CLASP2: variants seen among roughly 807,000 people sequenced by gnomAD.
CLASP2 encodes CLIP-associating protein 2.
CLASP2 carries 47 observed loss-of-function variants against 194.4 expected under a neutral mutation model. That is an observed-to-expected ratio of 0.24 (90% CI 0.19 to 0.31). The LOEUF (loss-of-function observed/expected upper bound fraction) is 0.31, where lower values mean the gene tolerates loss of function less well. CLASP2 is among the 10% of genes least tolerant of loss of function. The probability of loss-of-function intolerance (pLI) is 1.00; values close to 1 mark genes in which losing one functional copy is unlikely to be tolerated. For synonymous variants in CLASP2, 619 were observed against 633.5 expected, an observed-to-expected ratio of 0.98 and a Z score of 0.34; for missense variants, 1,445 against 1,823.6, an observed-to-expected ratio of 0.79 and a Z score of 3.78.
At chr3:33,596,254 T>C (rs2070331747) in intron 19 of CLASP2, among the ~76,000 whole-genome samples, 1 of 152,126 alleles carries the variant, frequency 6.6e-6, no homozygotes, top group Non-Finnish European at 1.5e-5. Flanking sequence ...TACAACGCAC[T>C]CTTAAAAAGT....
chr3:33,638,397 C>T (rs575732369), intron 8 of CLASP2, among the ~76,000 whole-genome samples: 6 of 152,224 alleles, frequency 3.9e-5, no homozygotes, highest in African/African-American at 9.6e-5. Flanking sequence ...CTCCACCTCC[C>T]GGGTTCATGC....
chr3:33,571,691 C>CT (rs1157905567), intron 25 of CLASP2, among the ~76,000 whole-genome samples: 2 of 151,834 alleles, frequency 1.3e-5, no homozygotes, highest in Admixed American at 1.3e-4. Flanking sequence ...TGGTGCACGC[C>CT]TGTAGTACCA....
intron 30 of CLASP2, among the ~76,000 whole-genome samples, chr3:33,548,490 G>T (rs532663791): frequency 1.3e-5 from 2 of 151,786 alleles, no homozygotes; most frequent in Non-Finnish European, 2.9e-5. Context: ...GTAGAGACAG[G>T]GTTTCACCAT....
At chr3:33,659,524 A>G in intron 7 of CLASP2, 1 of 478,412 alleles carries the variant, frequency 2.1e-6, no homozygotes, top group Non-Finnish European at 2.7e-6. Context: ...TATTTACAAC[A>G]GAAGATTGCT....
chr3:33,651,310 G>A (rs539942224), intron 7 of CLASP2, among the ~76,000 whole-genome samples: 85 of 150,182 alleles, frequency 5.7e-4, no homozygotes, highest in African/African-American at 1.9e-3. Context: ...TTGAACCCAG[G>A]AAGTGGAGGC....
chr3:33,695,068 T>C (rs1362559683), intron 2 of CLASP2, among the ~76,000 whole-genome samples: 1 of 151,534 alleles, frequency 6.6e-6, no homozygotes, highest in Admixed American at 6.6e-5. Flanking sequence ...CTATAGTTTT[T>C]TTTTTTTTTT....
chr3:33,630,530 T>C (rs1027148285), intron 9 of CLASP2, among the ~76,000 whole-genome samples: 2 of 149,328 alleles, frequency 1.3e-5, no homozygotes, highest in African/African-American at 5.0e-5. Flanking sequence ...GAGCCGAGAA[T>C]AATAAACAGC....
intron 7 of CLASP2, among the ~76,000 whole-genome samples, chr3:33,650,524 T>C (rs919376478): frequency 1.3e-5 from 2 of 151,882 alleles, no homozygotes; most frequent in East Asian, 1.9e-4. Context: ...GCTGCAGTGG[T>C]TTTCTATATA....
At chr3:33,500,246 G>C (rs1163092390) in intron 38 of CLASP2, among the ~76,000 whole-genome samples, 1 of 151,920 alleles carries the variant, frequency 6.6e-6, no homozygotes, top group Non-Finnish European at 1.5e-5. Context: ...TGTTGACCAG[G>C]CTGGTCTTGA....
chr3:33,648,320 C>A (rs1346021797), intron 7 of CLASP2, among the ~76,000 whole-genome samples: 1 of 151,834 alleles, frequency 6.6e-6, no homozygotes, highest in Non-Finnish European at 1.5e-5. Flanking sequence ...AAGGAAAACA[C>A]AAATCAAAAG....
intron 17 of CLASP2, 54 bp from the exon 18 acceptor site, chr3:33,603,179 A>T: frequency 6.8e-7 from 1 of 1,465,256 alleles, no homozygotes. Flanking sequence ...TGAAAACATG[A>T]AAATTATATA....
chr3:33,554,610 CAT>C (rs1314797111), intron 29 of CLASP2: 2 of 152,302 alleles, frequency 1.3e-5, no homozygotes, highest in African/African-American at 4.8e-5. Context: ...TAGAGGCCGA[CAT>C]AGCTATCAAG....
At position 33,606,583 on chromosome 3, in the gene CLASP2, G is replaced by A. The variant is rs551999409; in HGVS notation, c.1694+8C>T. On this transcript the variant is annotated splice_region_variant and intron_variant, in intron 16 of 38. Transcript: ENST00000682230. ...AGAGACTAGTAATCATTATTTATAT[G>A]ACCTTACTTGAGACTTTCCTGTGAG... 16 of 1,608,048 alleles carry A rather than the reference G, an allele frequency of 9.9e-6. No individual in the cohort carries two copies. The East Asian group carries it at 3.1e-4, about 31-fold the overall frequency.
In CLASP2 at chr3:33,551,130, A is replaced by C. The variant is rs1370073890; in HGVS notation, c.3153+122T>G. ...GAAACAATTTTAAAGATTTTTTAAA[A>C]AGCTCTTCATAACTCACTGCTAATT... On this transcript the variant is annotated intron_variant, in intron 30 of 38. Transcript: ENST00000682230. The C allele has an allele frequency of 1.1e-5, 8 of 757,874 alleles. No individual in the cohort carries two copies. In the East Asian group the frequency reaches 2.2e-4, roughly 21 times the overall value. The allele number at this position is 757,874 out of a possible 1,614,324, so 46.9% of individuals were successfully genotyped here. A position where few individuals can be genotyped will look rare whatever the true frequency, so the allele number is the denominator to read the frequency against.
At chr3:33,663,552 T>C (rs2085651696) in intron 6 of CLASP2, 37 bp from the exon 7 acceptor site, 1 of 1,392,454 alleles carries the variant, frequency 7.2e-7, no homozygotes, top group African/African-American at 1.4e-5. Flanking sequence ...GTTTGATTTT[T>C]TAAAACATAT....
chr3:33,717,775 C>A, intron 1 of CLASP2, 33 bp downstream of exon 1: 2 of 1,546,682 alleles, frequency 1.3e-6, no homozygotes, highest in Non-Finnish European at 1.7e-6. Flanking sequence ...CCGCGGAGGG[C>A]GTGACCAGCC....
intron 9 of CLASP2, among the ~76,000 whole-genome samples, chr3:33,631,405 A>G (rs2079054223): frequency 6.6e-6 from 1 of 152,178 alleles, no homozygotes; most frequent in Non-Finnish European, 1.5e-5. Context: ...GTACAAAAAT[A>G]TTCATTGCAG....
chr3:33,692,031 G>A (rs751312935), intron 2 of CLASP2, among the ~76,000 whole-genome samples: 5 of 152,100 alleles, frequency 3.3e-5, no homozygotes, highest in East Asian at 1.9e-4. Context: ...TTAGCCGAGC[G>A]TGATGATGCG....
chr3:33,654,504 G>C (rs2083805674), intron 7 of CLASP2, among the ~76,000 whole-genome samples: 1 of 151,992 alleles, frequency 6.6e-6, no homozygotes, highest in Admixed American at 6.6e-5. Flanking sequence ...GATCAACCCA[G>C]GAAGTTCAAT....
Sources: gnomAD v4.1 joint callset for allele counts (sites outside exome capture counted in the v4.1 genomes callset) on GRCh38, gnomAD v4.1.1 for gene constraint, MANE v1.5 for transcripts, NCBI Gene and HGNC (gene_info 2026-07-23, HGNC 2026-07-21) for gene names.